The following TMEM156 variants were observed in gnomAD, a reference collection of about 807,000 sequenced individuals.
TMEM156 encodes the protein transmembrane protein 156.
TMEM156 carries 28 observed loss-of-function variants against 30.5 expected under a neutral mutation model. The observed-to-expected ratio is 0.92, with a 90% confidence interval of 0.68 to 1.26. The LOEUF is 1.26. Among genes scored for constraint, TMEM156 ranks in the 50% most tolerant of loss-of-function variants. TMEM156 has a pLI of 0.00. For synonymous variants in TMEM156, 137 were observed against 119.9 expected, an observed-to-expected ratio of 1.14 and a Z score of -0.93; for missense variants, 351 against 340.6, an observed-to-expected ratio of 1.03 and a Z score of -0.24.
intron 2 of TMEM156, among the ~76,000 whole-genome samples, chr4:38,995,810 T>C (rs1279939206): frequency 6.6e-6 from 1 of 152,234 alleles, no homozygotes; most frequent in Non-Finnish European, 1.5e-5. Flanking sequence ...GAAGTGACAC[T>C]GCATGACTAA....
intron 5 of TMEM156, chr4:38,981,075 C>T (rs1040506115): frequency 5.8e-5 from 17 of 291,654 alleles, no homozygotes; most frequent in Non-Finnish European, 8.2e-5. Flanking sequence ...TTTATGAACC[C>T]AAATCTGTAT....
intron 1 of TMEM156, among the ~76,000 whole-genome samples, chr4:39,027,825 C>T (rs1255290996): frequency 6.8e-6 from 1 of 147,036 alleles, no homozygotes; most frequent in Non-Finnish European, 1.5e-5. Flanking sequence ...GGTGTAATCT[C>T]GGCTCACTGC....
intron 1 of TMEM156, among the ~76,000 whole-genome samples, chr4:39,013,203 A>C (rs1413653043): frequency 6.7e-6 from 1 of 149,956 alleles, no homozygotes; most frequent in Non-Finnish European, 1.5e-5. Flanking sequence ...CGGGAAACTG[A>C]GGTGGGAGGA....
chr4:38,992,736 ATATAT>A (rs1712603803), intron 3 of TMEM156, among the ~76,000 whole-genome samples: 1 of 54,590 alleles, frequency 1.8e-5, no homozygotes, highest in Admixed American at 2.2e-4. Flanking sequence ...TATATATATA[ATATAT>A]AATATATTAT....
intron 1 of TMEM156, among the ~76,000 whole-genome samples, chr4:39,013,481 A>AC (rs147238824): frequency 0.39 from 59,207 of 150,826 alleles, 12,086 homozygotes; most frequent in East Asian, 0.6. Flanking sequence ...GCTCACTGCA[A>AC]CTCTGCCTCC....
At chr4:39,002,651 T>C (rs1382562567) in intron 1 of TMEM156, among the ~76,000 whole-genome samples, 1 of 149,218 alleles carries the variant, frequency 6.7e-6, no homozygotes, top group Non-Finnish European at 1.5e-5. Context: ...CCAACAATGA[T>C]AGACTGGATT....
At chr4:39,028,036 G>T (rs1484612912) in intron 1 of TMEM156, among the ~76,000 whole-genome samples, 1 of 151,750 alleles carries the variant, frequency 6.6e-6, no homozygotes, top group East Asian at 1.9e-4. Context: ...GGATTACACC[G>T]CGCCTGGCCC....
chr4:38,976,342 A>T (rs1457191215), intron 5 of TMEM156, among the ~76,000 whole-genome samples: 1 of 151,058 alleles, frequency 6.6e-6, no homozygotes, highest in Non-Finnish European at 1.5e-5. Context: ...ATGCCTATGG[A>T]CAGGGACTCC....
intron 5 of TMEM156, among the ~76,000 whole-genome samples, chr4:38,980,653 T>A (rs1723133015): frequency 6.6e-6 from 1 of 152,168 alleles, no homozygotes; most frequent in Admixed American, 6.5e-5. Flanking sequence ...AAGAAAGATG[T>A]ACGGTGTTAT....
At chr4:38,984,325 T>TTTC (rs1553877597) in intron 5 of TMEM156, among the ~76,000 whole-genome samples, 2 of 146,740 alleles carry the variant, frequency 1.4e-5, no homozygotes, top group African/African-American at 2.5e-5. Context: ...CTCTCTCTCT[T>TTTC]TCTCTCTGTC....
chr4:38,985,709 C>G (rs1030066964), intron 5 of TMEM156, among the ~76,000 whole-genome samples: 3 of 152,222 alleles, frequency 2.0e-5, no homozygotes, highest in Non-Finnish European at 2.9e-5. Flanking sequence ...TATTATTTCT[C>G]TCTGCTAAAG....
At chr4:38,970,640 T>G (rs1722554905) in intron 6 of TMEM156, among the ~76,000 whole-genome samples, 1 of 152,214 alleles carries the variant, frequency 6.6e-6, no homozygotes, top group African/African-American at 2.4e-5. Flanking sequence ...TAATTTAGAT[T>G]ATCAGATGTT....
intron 3 of TMEM156, among the ~76,000 whole-genome samples, chr4:38,992,749 TATATATATATATA>T (rs1560367202): frequency 0.011 from 505 of 44,474 alleles, 6 homozygotes; most frequent in African/African-American, 0.026. Context: ...TATAATATAT[TATATATATATATA>T]TTTTTTTTTG....
At chr4:39,018,267 C>T (rs6811322) in intron 1 of TMEM156, among the ~76,000 whole-genome samples, 3 of 152,174 alleles carry the variant, frequency 2.0e-5, no homozygotes, top group Admixed American at 6.5e-5. Flanking sequence ...TACTTTAACT[C>T]GGATCATCTC....
intron 5 of TMEM156, among the ~76,000 whole-genome samples, chr4:38,974,058 C>CGT (rs60030815): frequency 1.0e-3 from 156 of 149,278 alleles, no homozygotes; most frequent in East Asian, 5.9e-3. Flanking sequence ...GGAAGGAGTG[C>CGT]GTGTGTGTGT....
intron 2 of TMEM156, among the ~76,000 whole-genome samples, chr4:38,995,743 C>A (rs1205752078): frequency 2.0e-5 from 3 of 152,150 alleles, no homozygotes; most frequent in African/African-American, 2.4e-5. Flanking sequence ...TAAATAATTT[C>A]TTTTCCCTTG....
intron 1 of TMEM156, among the ~76,000 whole-genome samples, chr4:39,025,036 C>G (rs909514370): frequency 4.6e-5 from 7 of 152,002 alleles, no homozygotes; most frequent in Non-Finnish European, 1.5e-5. Context: ...TTCCTTTGGT[C>G]ACAGGTCTGC....
At chr4:39,011,294 T>C (rs1466608215) in intron 1 of TMEM156, among the ~76,000 whole-genome samples, 3 of 152,248 alleles carry the variant, frequency 2.0e-5, no homozygotes, top group South Asian at 2.1e-4. Flanking sequence ...TATATGCTGT[T>C]AGTGGAAATA....
At chr4:38,976,524 A>G (rs1367432810) in intron 5 of TMEM156, among the ~76,000 whole-genome samples, 1 of 152,146 alleles carries the variant, frequency 6.6e-6, no homozygotes, top group East Asian at 1.9e-4. Context: ...TCTTGATTTC[A>G]GCCTGTGAGA....
Sources: allele counts gnomAD v4.1 joint callset (sites outside exome capture counted in the v4.1 genomes callset), GRCh38; gene constraint gnomAD v4.1.1; transcripts MANE v1.5; gene names NCBI Gene and HGNC (gene_info 2026-07-23, HGNC 2026-07-21).